Variants in WWP2 observed in about 807,000 individuals in gnomAD.
The protein encoded by WWP2 is WW domain containing E3 ubiquitin protein ligase 2, also known as NEDD4-like E3 ubiquitin-protein ligase WWP2.
In WWP2, 57 loss-of-function variants were observed where a neutral mutation model predicts 121.0. The ratio of observed to expected loss-of-function variants is 0.47; its 90% CI spans 0.38 to 0.59. The LOEUF is 0.59. Among genes scored for constraint, WWP2 ranks in the 20% least tolerant of loss-of-function variants. The pLI, the probability that WWP2 is intolerant of heterozygous loss-of-function variation, is 0.00. For synonymous variants in WWP2, 449 were observed against 441.3 expected (o/e 1.02, Z -0.22); for missense variants, 962 against 1,158.9 (o/e 0.83, Z 2.47).
chr16:69,774,416 A>G (rs1420762097), intron 1 of WWP2, among the ~76,000 whole-genome samples: 1 of 151,992 alleles, frequency 6.6e-6, no homozygotes, highest in East Asian at 1.9e-4. Context: ...ATGTGCCACC[A>G]TGGCTAATTT....
At chr16:69,852,671 T>C (rs1490240370) in intron 6 of WWP2, among the ~76,000 whole-genome samples, 4 of 151,602 alleles carry the variant, frequency 2.6e-5, no homozygotes, top group Admixed American at 1.3e-4. Flanking sequence ...AAAAATCTGG[T>C]TGTTCATGTT....
In WWP2 at chr16:69,934,140, C is replaced by T. The variant is rs764042927; in HGVS notation, c.1842+11C>T. On this transcript the variant is annotated intron_variant, in intron 17 of 23. Coordinates refer to ENST00000359154, the MANE Select transcript of WWP2 (RefSeq NM_001270454.2). The stretch of plus-strand genomic sequence containing the variant: ...AGATTCATCGCCATGGTAAGGGGGC[C>T]CCAGGGGTCTGCCTAGTTCCCTCCT... The T allele has an allele frequency of 6.2e-7, 1 of 1,614,058 alleles. No homozygotes were observed. Among genetic ancestry groups the T allele is most frequent in the Non-Finnish European group, 8.5e-7 (1 of 1,179,962 alleles).
chr16:69,908,278 C>T (rs1374957799), intron 8 of WWP2, among the ~76,000 whole-genome samples: 1 of 152,006 alleles, frequency 6.6e-6, no homozygotes, highest in Non-Finnish European at 1.5e-5. Flanking sequence ...GAATCTGTGA[C>T]TTTAACAGGT....
At chr16:69,939,791 A>G in intron 23 of WWP2, 50 bp from the exon 24 acceptor site, 3 of 1,537,778 alleles carry the variant, frequency 2.0e-6, no homozygotes, top group Middle Eastern at 1.7e-4. Flanking sequence ...TGGGGCTATC[A>G]GAGCCCTGGC....
chr16:69,799,275 T>G lies in WWP2; in HGVS notation c.320T>G (p.Leu107Trp). ...GCATCTGTCAACCTCTCCAACGTCT[T>G]GAAGAACAATGGGGGCAAAAGTACG... ...GTASVNLSNV[L>W]KNNGGKMENM... The change falls in exon 4 of 24, where the codon TTG becomes TGG. Residue 107 changes from leucine to tryptophan, a missense_variant. Physicochemically the swap from Leu to Trp is moderately conservative, Grantham distance 61. Coordinates refer to ENST00000359154, the MANE Select transcript of WWP2 (RefSeq NM_001270454.2). This position sits in a 1 kb window ranked among gnomAD's most constrained non-coding sequence, Gnocchi z 4.5. The G allele has an allele frequency of 6.2e-7, 1 of 1,613,978 alleles. No individual in the cohort carries two copies. The highest frequency in any genetic ancestry group is 1.1e-5 in the South Asian group (1 of 91,054).
chr16:69,880,458 C>T (rs182723847), intron 7 of WWP2, among the ~76,000 whole-genome samples: 12 of 152,144 alleles, frequency 7.9e-5, no homozygotes, highest in African/African-American at 2.2e-4. Flanking sequence ...ATTTTCAAAA[C>T]AAATTTCAGA....
chr16:69,803,940 C>A (rs2056224345), intron 4 of WWP2, among the ~76,000 whole-genome samples: 1 of 151,908 alleles, frequency 6.6e-6, no homozygotes, highest in Non-Finnish European at 1.5e-5. Context: ...TAAAGAATGG[C>A]AGAGCAGCCT....
At chr16:69,805,775 T>C (rs2056262805) in intron 4 of WWP2, among the ~76,000 whole-genome samples, 1 of 151,324 alleles carries the variant, frequency 6.6e-6, no homozygotes, top group South Asian at 2.1e-4. Flanking sequence ...ATTTAATTTT[T>C]TTTCTTTTTT....
At chr16:69,806,516 A>G (rs566710941) in intron 4 of WWP2, among the ~76,000 whole-genome samples, 1 of 152,316 alleles carries the variant, frequency 6.6e-6, no homozygotes, top group South Asian at 2.1e-4. Context: ...GAGCTCACCC[A>G]TAAAACCAAC....
chr16:69,901,341 C>T (rs1363569708), intron 8 of WWP2, among the ~76,000 whole-genome samples: 4 of 152,150 alleles, frequency 2.6e-5, no homozygotes, highest in South Asian at 4.1e-4. Flanking sequence ...GTGTATTCTT[C>T]TTAAGTTTAA....
At chr16:69,827,882 T>C (rs1408828144) in intron 4 of WWP2, 2 of 455,932 alleles carry the variant, frequency 4.4e-6, no homozygotes, top group East Asian at 1.4e-4. Flanking sequence ...AGATCTGTAT[T>C]TATTTCCCCA....
intron 7 of WWP2, among the ~76,000 whole-genome samples, chr16:69,885,142 T>C (rs1362745760): frequency 9.6e-6 from 1 of 103,684 alleles, no homozygotes; most frequent in Admixed American, 9.9e-5. Context: ...CACACACACA[T>C]TCTTCTTCTT....
chr16:69,778,761 C>G (rs1300788197), intron 1 of WWP2, among the ~76,000 whole-genome samples: 1 of 151,206 alleles, frequency 6.6e-6, no homozygotes, highest in Admixed American at 6.6e-5. Context: ...CCTGCCTCAG[C>G]CTCCCGAGTA....
At chr16:69,855,925 C>T (rs1010765170) in intron 6 of WWP2, among the ~76,000 whole-genome samples, 18 of 152,210 alleles carry the variant, frequency 1.2e-4, no homozygotes, top group Non-Finnish European at 1.9e-4. Flanking sequence ...ATGAATAGAA[C>T]GTTTTGGCCT....
At position 69,876,921 on chromosome 16, in the gene WWP2, T is replaced by C. The variant is rs28867427; in HGVS notation, c.703+4990T>C. Among the ~76,000 whole-genome samples the C allele has an allele frequency of 2.1e-3, 321 of 152,272 alleles. 3 individuals are homozygous for C. Among genetic ancestry groups the C allele is most frequent in the African/African-American group, 7.1e-3 (294 of 41,554 alleles). ...CATGCTGCAGACAGATGTGCTGTGA[T>C]CCAGGCTTTGTTGCTCCATTTATAA... On this transcript the variant is annotated intron_variant, in intron 7 of 23. Transcript: ENST00000359154.
chr16:69,791,763 T>A (rs1265883344), intron 2 of WWP2, among the ~76,000 whole-genome samples: 2 of 151,952 alleles, frequency 1.3e-5, no homozygotes, highest in Non-Finnish European at 2.9e-5. Flanking sequence ...CAAGCAGTTC[T>A]CCCACCTTGG....
At chr16:69,781,977 A>G (rs1350596826) in intron 1 of WWP2, among the ~76,000 whole-genome samples, 5 of 152,106 alleles carry the variant, frequency 3.3e-5, no homozygotes, top group Admixed American at 2.0e-4. Flanking sequence ...CCACCTCTCA[A>G]TACTGTTAAG....
chr16:69,854,585 C>T (rs2057275814), intron 6 of WWP2, among the ~76,000 whole-genome samples: 1 of 151,638 alleles, frequency 6.6e-6, no homozygotes. Context: ...GAATCTTGCT[C>T]TGTCGCCCAG....
intron 5 of WWP2, among the ~76,000 whole-genome samples, chr16:69,841,528 A>G (rs1475452264): frequency 6.6e-6 from 1 of 152,174 alleles, no homozygotes; most frequent in Non-Finnish European, 1.5e-5. Flanking sequence ...AACTCAGATC[A>G]CGCAGCCTTG....
Sources: allele counts gnomAD v4.1 joint callset (sites outside exome capture counted in the v4.1 genomes callset), GRCh38; gene constraint gnomAD v4.1.1; non-coding constraint Gnocchi (gnomAD v3.1); transcripts MANE v1.5; gene names NCBI Gene and HGNC (gene_info 2026-07-23, HGNC 2026-07-21).